The following ZNF430 variants were observed in gnomAD, a reference collection of about 807,000 sequenced individuals.
ZNF430 encodes the protein zinc finger protein 430.
ZNF430 carries 35 observed loss-of-function variants against 56.7 expected under a neutral mutation model. That is an observed-to-expected ratio of 0.62 (90% CI 0.47 to 0.82). The LOEUF is 0.82. Ranked by LOEUF, ZNF430 falls within the 40% of genes least tolerant of loss-of-function variation. ZNF430 has a pLI of 0.00. For missense variants in ZNF430, 574 were observed against 661.0 expected (o/e 0.87, Z 1.44); for synonymous variants, 212 against 224.3 (o/e 0.94, Z 0.49).
intron 4 of ZNF430, among the ~76,000 whole-genome samples, chr19:21,038,263 G>C (rs746332730): frequency 2.6e-5 from 4 of 151,774 alleles, no homozygotes; most frequent in Admixed American, 2.6e-4. Flanking sequence ...TTGATATTTA[G>C]TTTTTAACAT....
intron 4 of ZNF430, among the ~76,000 whole-genome samples, chr19:21,040,448 A>G (rs941917725): frequency 1.3e-5 from 2 of 152,224 alleles, no homozygotes; most frequent in African/African-American, 4.8e-5. Context: ...GTTCATTAAA[A>G]TAACCTGTCT....
At chr19:21,055,539 C>T (rs183658777) in intron 4 of ZNF430, among the ~76,000 whole-genome samples, 5 of 152,012 alleles carry the variant, frequency 3.3e-5, no homozygotes, top group Non-Finnish European at 7.4e-5. Context: ...CCCTCCGCCA[C>T]CTGGGTTCAA....
At chr19:21,026,827 CTTTTTTTTTTTTTTTT>C (rs747809260) in intron 2 of ZNF430, among the ~76,000 whole-genome samples, 1 of 68,716 alleles carries the variant, frequency 1.5e-5, no homozygotes, top group African/African-American at 5.6e-5. Flanking sequence ...CTTTTCTTTT[CTTTTTTTTTTTTTTTT>C]TTTTTTTGAG....
At chr19:21,026,869 C>G (rs371917871) in intron 2 of ZNF430, among the ~76,000 whole-genome samples, 6 of 106,016 alleles carry the variant, frequency 5.7e-5, no homozygotes, top group Non-Finnish European at 1.1e-4. Context: ...GTCTTGCTCT[C>G]GCCAGGCTGG....
chr19:21,024,216 TAC>T (rs1418310096), intron 2 of ZNF430, among the ~76,000 whole-genome samples: 4 of 152,144 alleles, frequency 2.6e-5, no homozygotes, highest in African/African-American at 9.7e-5. Context: ...TGAGAGAAGC[TAC>T]AGAGTCCTGG....
At chr19:21,031,400 C>T (rs1967899219) in intron 2 of ZNF430, among the ~76,000 whole-genome samples, 2 of 151,596 alleles carry the variant, frequency 1.3e-5, no homozygotes, top group Non-Finnish European at 2.9e-5. Flanking sequence ...TCTCAGGGCC[C>T]GTTCTGTTTG....
At chr19:21,044,524 G>C (rs537420715) in intron 4 of ZNF430, among the ~76,000 whole-genome samples, 1 of 152,216 alleles carries the variant, frequency 6.6e-6, no homozygotes, top group Admixed American at 6.5e-5. Flanking sequence ...GTTTATCAGG[G>C]ATATTGGCTT....
At chr19:21,044,869 C>T (rs1231328406) in intron 4 of ZNF430, among the ~76,000 whole-genome samples, 2 of 151,994 alleles carry the variant, frequency 1.3e-5, no homozygotes, top group African/African-American at 4.8e-5. Context: ...TATGTGCATA[C>T]AGGTGTTTAT....
intron 2 of ZNF430, among the ~76,000 whole-genome samples, chr19:21,025,268 A>G (rs748157127): frequency 9.9e-5 from 15 of 152,204 alleles, no homozygotes; most frequent in Non-Finnish European, 1.9e-4. Context: ...TAGACAATAT[A>G]AAGTCATTTT....
rs1435218639 is a variant in ZNF430 at position 21,059,997 on chromosome 19, ATAT to A, written c.*1981_*1983del. ...TAAAATTAAATGAAAATAAATTAGT[ATAT>A]TATTGTACTAATTGTACTTTTGTAT... On this transcript the variant is annotated 3_prime_UTR_variant, in exon 5 of 5. Transcript: ENST00000261560. The A allele has an allele frequency of 3.5e-4, 53 of 152,244 alleles. No individual in the cohort carries two copies. The highest frequency in any genetic ancestry group is 1.5e-4 in the Non-Finnish European group (10 of 68,008). The allele number at this position is 152,244 out of a possible 1,614,324, so 9.4% of individuals were successfully genotyped here.
rs1403092925 is a variant in ZNF430 at position 21,057,838 on chromosome 19, T to C, written c.1530T>C (p.Asp510=). Reference sequence around the variant, plus strand: ...AACATAAGATAACTCATATTGGAGATACATCTTACAAATACCTAGAATGTG... The same window carrying C: ...AACATAAGATAACTCATATTGGAGACACATCTTACAAATACCTAGAATGTG... ...LTKHKITHIG[D]TSYKYLECDK... The change falls in exon 5 of 5, where the codon GAT becomes GAC. Residue 510 remains aspartate, a synonymous_variant. Coordinates refer to ENST00000261560, the MANE Select transcript of ZNF430 (RefSeq NM_025189.4). 1 of 1,613,670 alleles carries C rather than the reference T, an allele frequency of 6.2e-7. No homozygotes were observed.
At chr19:21,034,377 C>T in intron 4 of ZNF430, 193 bp downstream of exon 4, 2 of 445,816 alleles carry the variant, frequency 4.5e-6, no homozygotes, top group Non-Finnish European at 7.9e-6. Context: ...GGATTCTTTC[C>T]CCTTGGTGAT....
intron 4 of ZNF430, among the ~76,000 whole-genome samples, chr19:21,041,426 G>T (rs1968100653): frequency 6.6e-6 from 1 of 152,100 alleles, no homozygotes; most frequent in Non-Finnish European, 1.5e-5. Context: ...TTATTAAGTA[G>T]TTTAATTAAT....
At chr19:21,034,305 G>GTT in intron 4 of ZNF430, 121 bp downstream of exon 4, 258 of 646,046 alleles carry the variant, frequency 4.0e-4, no homozygotes, top group South Asian at 6.0e-4. Flanking sequence ...GGAAGCCTGA[G>GTT]TTTTTTTTTT....
At chr19:21,051,129 A>G (rs1291191792) in intron 4 of ZNF430, among the ~76,000 whole-genome samples, 1 of 152,220 alleles carries the variant, frequency 6.6e-6, no homozygotes, top group East Asian at 1.9e-4. Flanking sequence ...CTCAATACAC[A>G]TTAAACAAGA....
chr19:21,050,857 G>A (rs749946935), intron 4 of ZNF430, among the ~76,000 whole-genome samples: 3 of 152,112 alleles, frequency 2.0e-5, no homozygotes, highest in Non-Finnish European at 4.4e-5. Context: ...GTGAAACCCT[G>A]TCTCTACTAA....
chr19:21,041,948 G>A (rs559182822), intron 4 of ZNF430, among the ~76,000 whole-genome samples: 4 of 152,098 alleles, frequency 2.6e-5, no homozygotes, highest in South Asian at 2.1e-4. Flanking sequence ...TCCTGACCTC[G>A]TGATCTGCCC....
intron 4 of ZNF430, among the ~76,000 whole-genome samples, chr19:21,039,613 C>G (rs866374903): frequency 1.3e-5 from 2 of 151,602 alleles, no homozygotes; most frequent in African/African-American, 4.8e-5. Flanking sequence ...ATTACAGGCA[C>G]CCACCATTAT....
intron 4 of ZNF430, among the ~76,000 whole-genome samples, chr19:21,042,587 C>T (rs1568588968): frequency 1.3e-5 from 2 of 152,056 alleles, no homozygotes; most frequent in Non-Finnish European, 2.9e-5. Context: ...AGGAAATTGA[C>T]ACCATCCTGG....
Sources: gnomAD v4.1 joint callset for allele counts (sites outside exome capture counted in the v4.1 genomes callset) on GRCh38, gnomAD v4.1.1 for gene constraint, MANE v1.5 for transcripts, NCBI Gene and HGNC (gene_info 2026-07-23, HGNC 2026-07-21) for gene names.